The following MCM3AP variants were observed in gnomAD, a reference collection of about 807,000 sequenced individuals.
MCM3AP encodes germinal-center associated nuclear protein.
In MCM3AP, 126 loss-of-function variants were observed where a neutral mutation model predicts 184.1. The observed-to-expected ratio is 0.68, with a 90% CI of 0.59 to 0.79. MCM3AP has a LOEUF of 0.79. Ranked by LOEUF, MCM3AP falls within the 30% of genes least tolerant of loss-of-function variation. The pLI is 0.00. For missense variants in MCM3AP, 2,496 were observed against 2,479.2 expected (o/e 1.01, Z -0.14); for synonymous variants, 1,002 against 979.3 (o/e 1.02, Z -0.43).
chr21:46,268,409 C>A (rs1306040255), intron 9 of MCM3AP, among the ~76,000 whole-genome samples: 3 of 152,222 alleles, frequency 2.0e-5, no homozygotes, highest in Non-Finnish European at 4.4e-5. Flanking sequence ...AAAACACAAT[C>A]CCTGTCCCCA....
chr21:46,272,850 G>A, intron 7 of MCM3AP, 21 bp from the exon 8 acceptor site: 15 of 1,550,766 alleles, frequency 9.7e-6, no homozygotes, highest in Non-Finnish European at 1.2e-5. Flanking sequence ...GCGAGGGGGA[G>A]GATCACACAC....
rs749066728 is a variant in MCM3AP, at chr21:46,272,803, G to A, written c.2223C>T (p.Asp741=). 2.5e-6 allele frequency: 4 copies of A among 1,603,990 alleles called. No individual in the cohort carries two copies. Among genetic ancestry groups the A allele is most frequent in the Non-Finnish European group, 3.4e-6 (4 of 1,173,948 alleles). ...RKDITQQHLC[D]PLTVSLIEKC... is the part of the protein sequence containing the mutation. ...TCTCAATCAGGGACACCGTCAGGGGGTCACAGAGGTGCTGCTGCGTGATAT... is the reference window on the plus strand; with the variant it reads ...TCTCAATCAGGGACACCGTCAGGGGATCACAGAGGTGCTGCTGCGTGATAT... The change falls in exon 8 of 28, where the codon GAC becomes GAT. Residue 741 remains aspartate, a synonymous_variant. Coordinates refer to ENST00000291688, the MANE Select transcript of MCM3AP (RefSeq NM_003906.5).
chr21:46,284,013 G>GTATTGAAAACCTGCCTGCAGGATTTACTC, intron 1 of MCM3AP, 55 bp downstream of exon 1: 1 of 1,566,162 alleles, frequency 6.4e-7, no homozygotes, highest in Non-Finnish European at 8.6e-7. Flanking sequence ...CCAGAGAAAC[G>GTATTGAAAACCTGCCTGCAGGATTTACTC]TATTGAAAAC....
At chr21:46,245,364 G>C (rs553263224) in intron 22 of MCM3AP, among the ~76,000 whole-genome samples, 167 bp from the exon 23 acceptor site, 1 of 152,174 alleles carries the variant, frequency 6.6e-6, no homozygotes, top group South Asian at 2.1e-4. Flanking sequence ...GTTGAGTTTA[G>C]CCTTCTAGGG....
At position 46,273,369 on chromosome 21, in the gene MCM3AP, G is replaced by A; in HGVS notation, c.2196+19C>T. On this transcript the variant is annotated intron_variant, in intron 7 of 27. Transcript: ENST00000291688. ...ATTTGCGTGGATTTTTTAGCATCCA[G>A]GTTGGAGGCAGCCAATACCTTCCGT... 1 of 1,608,436 alleles carries A rather than the reference G, an allele frequency of 6.2e-7. No individual in the cohort carries two copies. Among genetic ancestry groups the A allele is most frequent in the Non-Finnish European group, 8.5e-7 (1 of 1,175,108 alleles).
rs768595112 is a variant in MCM3AP at position 46,254,437 on chromosome 21, A to G, written c.4091T>C (p.Leu1364Pro). ...CTGCTCCTCTACATCCGGCAACACC[A>G]GCACCAGCTTCCAAAACACATGCTC... ...RQEHVFWKLV[L>P]VLPDVEEQSP... Residue 1364 changes from leucine (L) to proline (P), a missense_variant, in exon 19 of 28, where the codon CTG (leucine) becomes CCG (proline). By Grantham distance (98) the Leu-to-Pro change is moderately conservative. Coordinates refer to ENST00000291688, the MANE Select transcript of MCM3AP (RefSeq NM_003906.5). 6.2e-7 allele frequency: 1 copy of G among 1,614,212 alleles called. No homozygotes were observed. Among genetic ancestry groups the G allele is most frequent in the South Asian group, 1.1e-5 (1 of 91,084 alleles).
intron 20 of MCM3AP, among the ~76,000 whole-genome samples, chr21:46,248,323 C>T (rs571435071): frequency 5.3e-5 from 8 of 152,288 alleles, no homozygotes; most frequent in East Asian, 1.9e-4. Context: ...AGGGACTCAG[C>T]GCCAAACCAC....
chr21:46,268,376 T>C (rs1374001529), intron 9 of MCM3AP, among the ~76,000 whole-genome samples: 1 of 152,228 alleles, frequency 6.6e-6, no homozygotes, highest in Non-Finnish European at 1.5e-5. Context: ...CCGTTTTTAA[T>C]GCTGAGAGTA....
At chr21:46,269,121 T>C (rs1300300582) in intron 9 of MCM3AP, among the ~76,000 whole-genome samples, 1 of 152,120 alleles carries the variant, frequency 6.6e-6, no homozygotes, top group African/African-American at 2.4e-5. Flanking sequence ...TTAACTATGT[T>C]TTATTTTTGT....
intron 10 of MCM3AP, chr21:46,266,590 AC>A: frequency 4.0e-6 from 1 of 246,956 alleles, no homozygotes; most frequent in South Asian, 7.4e-5. Context: ...TGTGAGTCTC[AC>A]CACTCTGACT....
chr21:46,276,755 T>TTTTA (rs2081261352), intron 5 of MCM3AP, among the ~76,000 whole-genome samples: 1 of 144,454 alleles, frequency 6.9e-6, no homozygotes. Flanking sequence ...TTTTTTTTTT[T>TTTTA]GAGACAGAAT....
At chr21:46,257,036 C>G in intron 16 of MCM3AP, 50 bp from the exon 17 acceptor site, 1 of 1,557,106 alleles carries the variant, frequency 6.4e-7, no homozygotes, top group East Asian at 2.3e-5. Flanking sequence ...GGTCTTCAAA[C>G]TGAGAAACAC....
In MCM3AP at chr21:46,246,347, T is replaced by G. The variant is rs2080768644; in HGVS notation, c.4607A>C (p.Glu1536Ala). 6.2e-7 allele frequency: 1 copy of G among 1,612,964 alleles called. No individual in the cohort carries two copies. Among genetic ancestry groups the G allele is most frequent in the South Asian group, 1.1e-5 (1 of 91,070 alleles). ...TAGATCATTAATGGTATCAGGGATC[T>G]CGGTAACAGTGTAATCTGAAATCAG... ...AKLISDYTVT[E>A]IPDTINDLQG... The change falls in exon 22 of 28, where the codon GAG (glutamate) becomes GCG (alanine). Residue 1536 changes from glutamate (E) to alanine (A), a missense_variant. This residue lies in a region of MCM3AP where 1,323 missense variants were observed against 1,273.4 expected (regional missense o/e 1.04). Coordinates refer to ENST00000291688, the MANE Select transcript of MCM3AP (RefSeq NM_003906.5).
At chr21:46,268,674 G>A (rs1206841957) in intron 9 of MCM3AP, among the ~76,000 whole-genome samples, 1 of 152,250 alleles carries the variant, frequency 6.6e-6, no homozygotes, top group Non-Finnish European at 1.5e-5. Flanking sequence ...TGCGGGGACA[G>A]GAGGCTGCCT....
chr21:46,247,743 T>C (rs2080800034), intron 20 of MCM3AP: 1 of 152,190 alleles, frequency 6.6e-6, no homozygotes, highest in Non-Finnish European at 1.5e-5. Flanking sequence ...ACAGGTAATT[T>C]AGCCTCCAGC....
At chr21:46,262,958 T>A (rs1189694500) in intron 13 of MCM3AP, among the ~76,000 whole-genome samples, 2 of 75,406 alleles carry the variant, frequency 2.7e-5, no homozygotes, top group Non-Finnish European at 2.3e-5. Context: ...ACAGGGAGAC[T>A]CCGTCTCAAA....
intron 13 of MCM3AP, among the ~76,000 whole-genome samples, 199 bp downstream of exon 13, chr21:46,263,918 T>C (rs1009439070): frequency 1.3e-5 from 2 of 151,008 alleles, no homozygotes; most frequent in Non-Finnish European, 2.9e-5. Context: ...ATTCGCATGG[T>C]ATCTCAGGAG....
chr21:46,284,467 A>C lies in MCM3AP; in HGVS notation c.820T>G (p.Cys274Gly), dbSNP rs752792381. 8.7e-6 allele frequency: 14 copies of C among 1,613,782 alleles called. No individual in the cohort carries two copies. The highest frequency in any genetic ancestry group is 1.0e-5 in the Non-Finnish European group (12 of 1,179,996). ...QASKAGVRQG[C>G]EEAVSQVEPL... Reference sequence around the variant, plus strand: ...TCCACCTGGGAAACAGCTTCTTCACACCCCTGCCTGACACCTGCTTTGCTA... The same window carrying C: ...TCCACCTGGGAAACAGCTTCTTCACCCCCCTGCCTGACACCTGCTTTGCTA... The change falls in exon 1 of 28, where the codon TGT becomes GGT. Residue 274 changes from cysteine to glycine, a missense_variant. Physicochemically the swap from Cys to Gly is radical, Grantham distance 159. This residue lies in a region of MCM3AP where 800 missense variants were observed against 717.1 expected (regional missense o/e 1.12). Coordinates refer to ENST00000291688, the MANE Select transcript of MCM3AP (RefSeq NM_003906.5).
upstream of MCM3AP, chr21:46,285,951 A>C (rs924248515): frequency 6.6e-6 from 1 of 152,480 alleles, no homozygotes; most frequent in African/African-American, 2.4e-5. Flanking sequence ...CGGGGAGCCT[A>C]ATCTTCCACC....
Sources: allele counts gnomAD v4.1 joint callset (sites outside exome capture counted in the v4.1 genomes callset), GRCh38; gene constraint gnomAD v4.1.1; regional missense constraint gnomAD v4.1.1; transcripts MANE v1.5; gene names NCBI Gene and HGNC (gene_info 2026-07-23, HGNC 2026-07-21).